The following SATB2 variants were observed in gnomAD, a reference collection of about 807,000 sequenced individuals.
SATB2 encodes the protein DNA-binding protein SATB2.
A neutral mutation model predicts 73.4 loss-of-function variants in SATB2; 1 was observed. That is an observed-to-expected ratio of 0.01 (90% CI 0.00 to 0.06). The LOEUF (loss-of-function observed/expected upper bound fraction) is 0.06. Ranked by LOEUF, SATB2 falls within the 10% of genes least tolerant of loss-of-function variation. The probability of loss-of-function intolerance (pLI) is 1.00; values close to 1 mark genes in which losing one functional copy is unlikely to be tolerated. For missense variants in SATB2, 459 were observed against 945.8 expected (o/e 0.49, Z 6.75); for synonymous variants, 397 against 367.0 (o/e 1.08, Z -0.93).
intron 10 of SATB2, among the ~76,000 whole-genome samples, chr2:199,301,389 A>G (rs2105758054): frequency 6.6e-6 from 1 of 152,270 alleles, no homozygotes; most frequent in East Asian, 1.9e-4. Context: ...ATGTTCCACT[A>G]AAAGGCCCTA....
intron 6 of SATB2, among the ~76,000 whole-genome samples, chr2:199,354,642 A>C (rs1028483909): frequency 6.6e-6 from 1 of 152,192 alleles, no homozygotes; most frequent in Non-Finnish European, 1.5e-5. Flanking sequence ...GTACCAGTCC[A>C]GGGACCTTCC....
chr2:199,335,448 C>T (rs1688310960), intron 7 of SATB2, among the ~76,000 whole-genome samples: 1 of 152,176 alleles, frequency 6.6e-6, no homozygotes, highest in African/African-American at 2.4e-5. Flanking sequence ...CTTTCTCCCT[C>T]CTTTGAACCA....
At chr2:199,442,581 A>G (rs1285091645) in intron 2 of SATB2, among the ~76,000 whole-genome samples, 1 of 152,150 alleles carries the variant, frequency 6.6e-6, no homozygotes, top group Non-Finnish European at 1.5e-5. Flanking sequence ...ACAACAAAAA[A>G]TGTTATAAGG....
intron 6 of SATB2, among the ~76,000 whole-genome samples, chr2:199,367,171 CT>C (rs1224004780): frequency 6.6e-6 from 1 of 152,154 alleles, no homozygotes; most frequent in Non-Finnish European, 1.5e-5. Flanking sequence ...GGAGGCAACA[CT>C]TACAGAAAAG....
intron 7 of SATB2, 69 bp from the exon 8 acceptor site, chr2:199,328,979 C>T (rs904074547): frequency 1.7e-6 from 2 of 1,172,134 alleles, no homozygotes; most frequent in African/African-American, 3.0e-5. Context: ...TTCTGTCTTC[C>T]ACCCCTCTCC....
intron 3 of SATB2, among the ~76,000 whole-genome samples, chr2:199,390,789 A>G (rs1690107856): frequency 6.6e-6 from 1 of 152,058 alleles, no homozygotes; most frequent in Admixed American, 6.6e-5. Flanking sequence ...CTTTCCAGGT[A>G]CTCCATGTCT....
intron 2 of SATB2, among the ~76,000 whole-genome samples, chr2:199,454,863 G>T (rs1343485935): frequency 6.6e-6 from 1 of 152,100 alleles, no homozygotes; most frequent in Non-Finnish European, 1.5e-5. Context: ...TTATCATTAA[G>T]GTTTGCCAAG....
upstream of SATB2, among the ~76,000 whole-genome samples, chr2:199,465,969 A>G (rs1045238973): frequency 1.3e-5 from 2 of 152,112 alleles, no homozygotes; most frequent in Admixed American, 6.5e-5. Flanking sequence ...ACCCACCCAA[A>G]CCTGTGCACT....
At chr2:199,327,870 A>G (rs1242098969) in intron 8 of SATB2, among the ~76,000 whole-genome samples, 1 of 152,124 alleles carries the variant, frequency 6.6e-6, no homozygotes, top group East Asian at 1.9e-4. Context: ...TGATCTGGAC[A>G]CTGCATATGC....
intron 6 of SATB2, among the ~76,000 whole-genome samples, chr2:199,362,027 G>A (rs569830979): frequency 3.3e-4 from 43 of 131,242 alleles, no homozygotes; most frequent in African/African-American, 1.2e-3. Flanking sequence ...GTGAGCCACC[G>A]CGCCCAGCCA....
upstream of SATB2, chr2:199,465,283 T>G (rs1308777485): frequency 6.6e-6 from 1 of 152,174 alleles, no homozygotes; most frequent in Non-Finnish European, 1.5e-5. Context: ...GTTATTTCTG[T>G]CAACAGAAAA....
At chr2:199,396,674 C>A (rs1415092708) in intron 3 of SATB2, 1 of 152,094 alleles carries the variant, frequency 6.6e-6, no homozygotes, top group Non-Finnish European at 1.5e-5. Flanking sequence ...TTTAATGTAA[C>A]CTGACCCACG....
chr2:199,460,357 C>T (rs1047707100), upstream of SATB2: 1 of 152,364 alleles, frequency 6.6e-6, no homozygotes, highest in Admixed American at 6.5e-5. This position sits in a 1 kb window ranked among gnomAD's most constrained non-coding sequence, Gnocchi z 4.0. Flanking sequence ...CAAAAGCCAA[C>T]TACCACTGTC....
intron 3 of SATB2, among the ~76,000 whole-genome samples, chr2:199,428,975 C>G (rs1193940419): frequency 2.1e-5 from 3 of 140,568 alleles, no homozygotes; most frequent in Non-Finnish European, 4.5e-5. Flanking sequence ...CAATGCACTG[C>G]AGCCTGGGAT....
chr2:199,277,154 T>C (rs902274013), intron 10 of SATB2, among the ~76,000 whole-genome samples: 1 of 152,144 alleles, frequency 6.6e-6, no homozygotes, highest in African/African-American at 2.4e-5. Flanking sequence ...CATTGACAGA[T>C]CCCAGCATAA....
intron 7 of SATB2, chr2:199,329,134 C>T (rs1688117356): frequency 1.6e-5 from 9 of 574,792 alleles, no homozygotes; most frequent in Middle Eastern, 4.8e-4. Context: ...TTTATCATCA[C>T]TGTAATAATC....
At chr2:199,295,291 AT>A (rs2105748399) in intron 10 of SATB2, among the ~76,000 whole-genome samples, 1 of 152,260 alleles carries the variant, frequency 6.6e-6, no homozygotes, top group Admixed American at 6.5e-5. Context: ...CTTTCATACA[AT>A]TGTTTTCAGC....
intron 9 of SATB2, among the ~76,000 whole-genome samples, chr2:199,311,928 T>C (rs1687607317): frequency 2.0e-5 from 3 of 152,154 alleles, no homozygotes; most frequent in South Asian, 2.1e-4. Flanking sequence ...TGAACACACA[T>C]GTATGTAATT....
At chr2:199,403,986 A>G (rs1690560732) in intron 3 of SATB2, among the ~76,000 whole-genome samples, 1 of 152,230 alleles carries the variant, frequency 6.6e-6, no homozygotes, top group Non-Finnish European at 1.5e-5. Flanking sequence ...TGGCTGGAGA[A>G]AGAGTAGGTA....
Sources: gnomAD v4.1 joint callset for allele counts (sites outside exome capture counted in the v4.1 genomes callset) on GRCh38, gnomAD v4.1.1 for gene constraint, Gnocchi (gnomAD v3.1) non-coding constraint, MANE v1.5 for transcripts, NCBI Gene and HGNC (gene_info 2026-07-23, HGNC 2026-07-21) for gene names.